Variants in ZNF385D observed in about 807,000 individuals in gnomAD.
The protein encoded by ZNF385D is zinc finger protein 659.
A neutral mutation model predicts 35.8 loss-of-function variants in ZNF385D; 15 were observed. The ratio of observed to expected loss-of-function variants is 0.42; its 90% CI spans 0.28 to 0.64. ZNF385D has a LOEUF of 0.64. Among genes scored for constraint, ZNF385D ranks in the 30% least tolerant of loss-of-function variants. The pLI is 0.23. For missense variants in ZNF385D, 474 were observed against 494.6 expected (o/e 0.96, Z 0.39); for synonymous variants, 212 against 186.8 (o/e 1.13, Z -1.10).
At chr3:22,160,661 G>A (rs10513638) in intron 3 of ZNF385D, among the ~76,000 whole-genome samples, 1 of 151,904 alleles carries the variant, frequency 6.6e-6, no homozygotes, top group Non-Finnish European at 1.5e-5. Context: ...CAAAGATAAG[G>A]GCAGCAATAC....
Position 21,432,607 on chromosome 3 carries a change from G to T in ZNF385D, c.673+4363C>A, listed in dbSNP as rs141480219. Among the ~76,000 whole-genome samples, 900 of 151,326 alleles carry T rather than the reference G, an allele frequency of 5.9e-3. 10 individuals carry two copies. Among genetic ancestry groups the T allele is most frequent in the African/African-American group, 0.021 (858 of 41,284 alleles). ...TTTGGGGGAATTTTTTTTTGTGGGGGGAAATTTTTTTAAAGAAAAAGAAAA... is the reference window on the plus strand; with the variant it reads ...TTTGGGGGAATTTTTTTTTGTGGGGTGAAATTTTTTTAAAGAAAAAGAAAA... On this transcript the variant is annotated intron_variant, in intron 5 of 7. Transcript: ENST00000281523.
intron 3 of ZNF385D, among the ~76,000 whole-genome samples, chr3:22,028,836 G>A (rs1007901100): frequency 2.0e-5 from 3 of 152,148 alleles, no homozygotes; most frequent in East Asian, 1.9e-4. Context: ...AATGGCCTTT[G>A]GAAGTCACAA....
chr3:22,173,532 A>T (rs75127162), intron 2 of ZNF385D, among the ~76,000 whole-genome samples: 8 of 152,176 alleles, frequency 5.3e-5, no homozygotes, highest in Admixed American at 2.6e-4. Flanking sequence ...TCTCCTTGAC[A>T]ATAAAACAGG....
intron 3 of ZNF385D, among the ~76,000 whole-genome samples, chr3:21,556,789 C>T (rs998068669): frequency 5.9e-5 from 9 of 152,110 alleles, no homozygotes; most frequent in Non-Finnish European, 7.4e-5. Flanking sequence ...TTCACGATAT[C>T]GATTCTTCCT....
chr3:21,776,067 A>G (rs2071275524), intron 3 of ZNF385D, among the ~76,000 whole-genome samples: 1 of 151,740 alleles, frequency 6.6e-6, no homozygotes, highest in Admixed American at 6.6e-5. Context: ...TGTATATTAT[A>G]CAATCAAAAT....
intron 2 of ZNF385D, among the ~76,000 whole-genome samples, chr3:22,274,441 T>C (rs1701325744): frequency 1.3e-5 from 2 of 151,976 alleles, no homozygotes; most frequent in Non-Finnish European, 2.9e-5. Context: ...ATAAGTTTAA[T>C]AGAAACTACT....
intron 3 of ZNF385D, among the ~76,000 whole-genome samples, chr3:21,786,979 C>T (rs775994309): frequency 1.3e-5 from 2 of 152,080 alleles, no homozygotes; most frequent in Non-Finnish European, 2.9e-5. Flanking sequence ...GAATTGAACA[C>T]GTGTTTATCT....
In ZNF385D at chr3:22,372,638, G is replaced by A. The variant is rs1220116159; in HGVS notation, c.-83C>T. 10 of 362,272 alleles carry A rather than the reference G, an allele frequency of 2.8e-5. No individual in the cohort carries two copies. In the Admixed American group the frequency reaches 3.2e-4, roughly 12 times the overall value. The allele number at this position is 362,272 out of a possible 1,614,324, so 22.4% of individuals were successfully genotyped here. A position where few individuals can be genotyped will look rare whatever the true frequency, so the allele number is the denominator to read the frequency against. On this transcript the variant is annotated 5_prime_UTR_variant, in exon 2 of 6. Coordinates refer to the ZNF385D transcript ENST00000494108. ...CAGCTTCAACGGCGGTGGTCGCCGC[G>A]AGCCGTGAGCGGCGGCCAAGGAGAA...
intron 3 of ZNF385D, among the ~76,000 whole-genome samples, chr3:22,047,088 C>A (rs147120946): frequency 3.3e-5 from 5 of 152,086 alleles, no homozygotes; most frequent in Non-Finnish European, 5.9e-5. Flanking sequence ...TCTCTGTCAA[C>A]GATGAAGGCT....
chr3:21,895,316 T>C (rs1268278295), intron 3 of ZNF385D, among the ~76,000 whole-genome samples: 1 of 128,718 alleles, frequency 7.8e-6, no homozygotes, highest in Non-Finnish European at 1.6e-5. Flanking sequence ...CTGAAATGTG[T>C]GGCTTTTTTT....
At chr3:21,971,146 G>C (rs759386247) in intron 3 of ZNF385D, among the ~76,000 whole-genome samples, 1 of 151,942 alleles carries the variant, frequency 6.6e-6, no homozygotes. Context: ...ACTGGTAATG[G>C]TAAGTACATA....
chr3:22,003,673 C>G (rs1191636589), intron 3 of ZNF385D, among the ~76,000 whole-genome samples: 1 of 152,096 alleles, frequency 6.6e-6, no homozygotes, highest in Non-Finnish European at 1.5e-5. Flanking sequence ...TCGAGACCAG[C>G]TGGGCCAACA....
intron 1 of ZNF385D, among the ~76,000 whole-genome samples, chr3:21,715,377 C>A (rs1444016777): frequency 6.6e-6 from 1 of 152,022 alleles, no homozygotes; most frequent in African/African-American, 2.4e-5. Context: ...CCTAGTTTCA[C>A]TTGAGATAAT....
rs1454966647 is a variant in ZNF385D, at chr3:21,608,022, TG to T, written c.166-43339del. Among the ~76,000 whole-genome samples, 17 of 140,950 alleles carry T rather than the reference TG, an allele frequency of 1.2e-4. 1 individual carries two copies. Among genetic ancestry groups the T allele is most frequent in the South Asian group, 2.5e-4 (1 of 3,986 alleles). The allele number at this position is 140,950 out of a possible 152,430, so 92.5% of individuals were successfully genotyped here. ...GTAATTCTTTTTCTTCTTTTTTTTT[TG>T]TTTTTTTTTTTTGAGTCTTGCTGTC... On this transcript the variant is annotated intron_variant, in intron 2 of 7. Transcript: ENST00000281523.
At chr3:21,778,756 G>T (rs2071386302) in intron 3 of ZNF385D, among the ~76,000 whole-genome samples, 1 of 151,836 alleles carries the variant, frequency 6.6e-6, no homozygotes, top group South Asian at 2.1e-4. Context: ...ATCTCGTTAT[G>T]AGTCAGTTTT....
intron 3 of ZNF385D, among the ~76,000 whole-genome samples, chr3:21,819,674 ATAAT>A (rs2073309759): frequency 6.8e-6 from 1 of 147,018 alleles, no homozygotes; most frequent in Admixed American, 6.8e-5. Context: ...TTAATTATAT[ATAAT>A]TATCTATGTG....
At chr3:22,076,864 T>C (rs1700490622) in intron 3 of ZNF385D, among the ~76,000 whole-genome samples, 1 of 151,960 alleles carries the variant, frequency 6.6e-6, no homozygotes, top group African/African-American at 2.4e-5. Flanking sequence ...ATTTTAAAAT[T>C]CTGTATGACT....
intron 3 of ZNF385D, among the ~76,000 whole-genome samples, chr3:21,536,736 A>G (rs1397118201): frequency 1.3e-5 from 2 of 152,128 alleles, no homozygotes; most frequent in East Asian, 1.9e-4. Flanking sequence ...TTAAAACGCA[A>G]TTAGTGCTTA....
At chr3:21,715,289 C>A (rs1019071066) in intron 1 of ZNF385D, among the ~76,000 whole-genome samples, 1 of 152,096 alleles carries the variant, frequency 6.6e-6, no homozygotes, top group Non-Finnish European at 1.5e-5. Context: ...ATTCCACTCT[C>A]TATACCAATG....
Sources: gnomAD v4.1 joint callset for allele counts (sites outside exome capture counted in the v4.1 genomes callset) on GRCh38, gnomAD v4.1.1 for gene constraint, MANE v1.5 for transcripts, NCBI Gene and HGNC (gene_info 2026-07-23, HGNC 2026-07-21) for gene names.